The following KRT8 variants were observed in gnomAD, a reference collection of about 807,000 sequenced individuals.
KRT8 encodes the protein keratin 8.
Under a neutral mutation model 43.0 loss-of-function variants are expected in KRT8, and 24 were observed. That is an observed-to-expected ratio of 0.56 (90% confidence interval 0.40 to 0.78). The LOEUF is 0.78. Among genes scored for constraint, KRT8 ranks in the 30% least tolerant of loss-of-function variants. The pLI is 0.00. For missense variants in KRT8, 492 were observed against 638.4 expected (o/e 0.77, Z 2.47); for synonymous variants, 214 against 261.2 (o/e 0.82, Z 1.74).
At chr12:52,905,192 A>G (rs964328342), upstream of KRT8, 2 of 876,630 alleles carry the variant, frequency 2.3e-6, no homozygotes, top group African/African-American at 3.4e-5. Context: ...TCCGGGCAGG[A>G]CTCAGGTGGG....
intron 4 of KRT8, among the ~76,000 whole-genome samples, chr12:52,900,342 T>C (rs1240309736): frequency 6.6e-6 from 1 of 152,168 alleles, no homozygotes; most frequent in Admixed American, 6.5e-5. Context: ...TTGGATACGT[T>C]ATTTCACTTC....
intron 2 of KRT8, among the ~76,000 whole-genome samples, chr12:52,940,772 C>T (rs904648332): frequency 2.0e-5 from 3 of 150,172 alleles, no homozygotes; most frequent in Non-Finnish European, 4.4e-5. Flanking sequence ...ACTACAGGCG[C>T]CCATCCCCAT....
At chr12:52,928,609 AAAAG>A (rs1308456831) in intron 2 of KRT8, among the ~76,000 whole-genome samples, 1 of 152,096 alleles carries the variant, frequency 6.6e-6, no homozygotes, top group Non-Finnish European at 1.5e-5. Flanking sequence ...TTCCTTTAAA[AAAAG>A]AAAGAAAGGG....
intron 2 of KRT8, among the ~76,000 whole-genome samples, chr12:52,918,999 G>A (rs968607071): frequency 2.6e-5 from 4 of 152,188 alleles, no homozygotes; most frequent in African/African-American, 9.7e-5. Context: ...CAGCAGGGTG[G>A]AGGGTAACTA....
chr12:52,918,073 A>G lies in KRT8; in HGVS notation c.-46-13046T>C, dbSNP rs868107542. The stretch of plus-strand genomic sequence containing the variant: ...AAGAGGAAGAAGAAGGAGAAGAAGA[A>G]GAGGAGGAGGAGGAGAAGAAGAAGA... On this transcript the variant is annotated intron_variant, in intron 2 of 6. Coordinates refer to the KRT8 transcript ENST00000546826. 2.6e-4 allele frequency among the ~76,000 whole-genome samples: 11 copies of G among 41,916 alleles called. 1 individual carries two copies. The highest frequency in any genetic ancestry group is 2.1e-3 in the East Asian group (2 of 948). 27.5% of individuals were successfully genotyped at this position (41,916 alleles called of 152,430 possible). A position where few individuals can be genotyped will look rare whatever the true frequency, so the allele number is the denominator to read the frequency against.
intron 1 of KRT8, among the ~76,000 whole-genome samples, chr12:52,904,230 C>G (rs902079471): frequency 2.0e-5 from 3 of 152,162 alleles, no homozygotes; most frequent in Non-Finnish European, 4.4e-5. Context: ...AGTCCCCGAA[C>G]AGCTGGGACT....
At chr12:52,938,742 C>T (rs959152942) in intron 2 of KRT8, among the ~76,000 whole-genome samples, 6 of 152,080 alleles carry the variant, frequency 3.9e-5, no homozygotes, top group Non-Finnish European at 8.8e-5. Flanking sequence ...GTCAGCCTCC[C>T]GAGGACCTGG....
chr12:52,926,350 C>T (rs1466249935), intron 2 of KRT8: 2 of 1,214,308 alleles, frequency 1.6e-6, no homozygotes, highest in Middle Eastern at 1.9e-4. Flanking sequence ...CACCCCACCC[C>T]CAGGACTGTG....
chr12:52,927,014 C>G (rs1592180255), intron 2 of KRT8, among the ~76,000 whole-genome samples: 2 of 152,228 alleles, frequency 1.3e-5, no homozygotes, highest in East Asian at 3.9e-4. Flanking sequence ...CTACTCTGAC[C>G]CTATCTCCTC....
intron 2 of KRT8, among the ~76,000 whole-genome samples, chr12:52,944,951 G>C (rs1298167550): frequency 6.6e-6 from 1 of 152,168 alleles, no homozygotes; most frequent in Non-Finnish European, 1.5e-5. Flanking sequence ...AGCTGCCTCT[G>C]AAGCTTGTAC....
intron 2 of KRT8, among the ~76,000 whole-genome samples, chr12:52,935,155 T>C (rs1353413973): frequency 6.6e-6 from 1 of 150,748 alleles, no homozygotes; most frequent in Admixed American, 6.6e-5. Context: ...CCAAGGCAGA[T>C]TGATCACCTG....
chr12:52,938,152 ATATATATATATATATATATTT>A (rs1159021949), intron 2 of KRT8, among the ~76,000 whole-genome samples: 1 of 32,486 alleles, frequency 3.1e-5, no homozygotes, highest in African/African-American at 2.5e-4. Context: ...ATATATATAT[ATATATATATATATATATATTT>A]TTTTTTTTTT....
chr12:52,931,225 G>C (rs1442476881), intron 2 of KRT8, among the ~76,000 whole-genome samples: 1 of 152,032 alleles, frequency 6.6e-6, no homozygotes, highest in Non-Finnish European at 1.5e-5. Flanking sequence ...CCGCCATCAA[G>C]CCTGGCTAAT....
At chr12:52,934,397 T>TA (rs1367546245) in intron 2 of KRT8, among the ~76,000 whole-genome samples, 1 of 150,862 alleles carries the variant, frequency 6.6e-6, no homozygotes, top group Non-Finnish European at 1.5e-5. Flanking sequence ...CTGTCTCTAC[T>TA]AAAAAATACA....
intron 2 of KRT8, among the ~76,000 whole-genome samples, chr12:52,927,417 G>T (rs1024757032): frequency 6.6e-6 from 1 of 152,220 alleles, no homozygotes; most frequent in African/African-American, 2.4e-5. Context: ...TGGAATTCCT[G>T]CCTGTCCCTA....
At chr12:52,946,715 T>C (rs1384351410) in intron 2 of KRT8, 2 of 152,238 alleles carry the variant, frequency 1.3e-5, no homozygotes, top group Non-Finnish European at 2.9e-5. Flanking sequence ...CCCCTCTGAC[T>C]GGAACCTCTT....
At chr12:52,926,332 GCCCTCCCCA>G in intron 2 of KRT8, 6 of 600,270 alleles carry the variant, frequency 1.0e-5, no homozygotes, top group Admixed American at 2.3e-5. Context: ...GGCACTAGCT[GCCCTCCCCA>G]CCCCACCCCC....
At chr12:52,903,905 G>A (rs1169924859) in intron 1 of KRT8, among the ~76,000 whole-genome samples, 1 of 103,000 alleles carries the variant, frequency 9.7e-6, no homozygotes, top group Non-Finnish European at 1.9e-5. Context: ...CCGACGCCGA[G>A]CTCCGCCAGG....
At chr12:52,946,404 G>A (rs545758323) in intron 2 of KRT8, among the ~76,000 whole-genome samples, 4 of 152,184 alleles carry the variant, frequency 2.6e-5, no homozygotes, top group African/African-American at 9.6e-5. Flanking sequence ...CAAATAATTA[G>A]TATTTGTTTG....
Sources: gnomAD v4.1 joint callset for allele counts (sites outside exome capture counted in the v4.1 genomes callset) on GRCh38, gnomAD v4.1.1 for gene constraint, MANE v1.5 for transcripts, NCBI Gene and HGNC (gene_info 2026-07-23, HGNC 2026-07-21) for gene names.